The following AK5 variants were observed in gnomAD, a reference collection of about 807,000 sequenced individuals.
AK5 encodes adenylate kinase isoenzyme 5.
Under a neutral mutation model 69.5 loss-of-function variants are expected in AK5, and 27 were observed. That is an observed-to-expected ratio of 0.39 (90% CI 0.29 to 0.54). The LOEUF (loss-of-function observed/expected upper bound fraction) is 0.54. Ranked by LOEUF, AK5 falls within the 20% of genes least tolerant of loss-of-function variation. The probability of loss-of-function intolerance (pLI) is 0.71; values close to 1 mark genes in which losing one functional copy is unlikely to be tolerated. For missense variants in AK5, 531 were observed against 700.4 expected (o/e 0.76, Z 2.73); for synonymous variants, 260 against 244.4 (o/e 1.06, Z -0.60).
Position 77,559,462 on chromosome 1 carries a change from G to GTAACT in AK5, c.*796_*800dup, listed in dbSNP as rs562808968. On this transcript the variant is annotated 3_prime_UTR_variant, in exon 14 of 14. Coordinates refer to ENST00000354567, the MANE Select transcript of AK5 (RefSeq NM_174858.3). Reference sequence around the variant, plus strand: ...TATAAATTAATATAAATGACCAAAAGTAACTTAAAAGCATGAGATATTTGC... The same window carrying GTAACT: ...TATAAATTAATATAAATGACCAAAAGTAACTTAACTTAAAAGCATGAGATATTTGC... 3.0e-4 allele frequency: 46 copies of GTAACT among 152,188 alleles called. No homozygotes were observed. The highest frequency in any genetic ancestry group is 3.4e-3 in the Middle Eastern group (1 of 294). The allele number at this position is 152,188 out of a possible 1,614,324, so 9.4% of individuals were successfully genotyped here.
intron 6 of AK5, among the ~76,000 whole-genome samples, chr1:77,347,096 C>T (rs1311815909): frequency 3.3e-5 from 5 of 151,958 alleles, no homozygotes; most frequent in Non-Finnish European, 7.4e-5. Flanking sequence ...AGAAAATAGT[C>T]GAGGAAGAGT....
chr1:77,429,683 T>A (rs868603042), intron 8 of AK5, among the ~76,000 whole-genome samples: 1 of 152,236 alleles, frequency 6.6e-6, no homozygotes, highest in South Asian at 2.1e-4. Context: ...ATGGTCTAGA[T>A]CTCCTGACCT....
intron 6 of AK5, among the ~76,000 whole-genome samples, chr1:77,401,449 G>T (rs912868482): frequency 2.6e-5 from 4 of 152,120 alleles, no homozygotes; most frequent in African/African-American, 9.7e-5. Context: ...AAGCTCATTT[G>T]GTTCTTAGAG....
intron 8 of AK5, among the ~76,000 whole-genome samples, chr1:77,482,757 C>T (rs4431892): frequency 0.15 from 20,761 of 134,338 alleles, 1,935 homozygotes; most frequent in East Asian, 0.21. Flanking sequence ...GGCAACAGGG[C>T]GAGACTATGT....
intron 8 of AK5, among the ~76,000 whole-genome samples, chr1:77,457,944 A>G (rs778777271): frequency 3.3e-5 from 5 of 152,074 alleles, no homozygotes; most frequent in Non-Finnish European, 7.4e-5. Context: ...TAAAGTCAAG[A>G]TGTCAACAGA....
chr1:77,475,471 ATG>A (rs1553154921), intron 8 of AK5, among the ~76,000 whole-genome samples: 1 of 25,134 alleles, frequency 4.0e-5, no homozygotes, highest in East Asian at 9.2e-4. Flanking sequence ...TATATTATAT[ATG>A]TATATATATT....
intron 7 of AK5, among the ~76,000 whole-genome samples, chr1:77,417,042 A>G (rs934646989): frequency 1.3e-5 from 2 of 152,156 alleles, no homozygotes; most frequent in African/African-American, 4.8e-5. Context: ...CCTAAGGGAA[A>G]TAATCTCTCT....
chr1:77,506,653 A>G (rs1258104332), intron 10 of AK5, among the ~76,000 whole-genome samples: 1 of 152,190 alleles, frequency 6.6e-6, no homozygotes, highest in Admixed American at 6.5e-5. Flanking sequence ...TTGTAAAATC[A>G]TAGAGTGTTA....
At chr1:77,550,891 T>C (rs1243106163) in intron 13 of AK5, among the ~76,000 whole-genome samples, 1 of 152,140 alleles carries the variant, frequency 6.6e-6, no homozygotes, top group Non-Finnish European at 1.5e-5. Context: ...AAAAATACAC[T>C]TCAGGCCAGG....
At chr1:77,552,348 C>T (rs953093830) in intron 13 of AK5, among the ~76,000 whole-genome samples, 7 of 152,324 alleles carry the variant, frequency 4.6e-5, no homozygotes, top group Non-Finnish European at 7.3e-5. Context: ...CTATACCCAT[C>T]GTAATGGTCC....
intron 10 of AK5, among the ~76,000 whole-genome samples, chr1:77,501,012 AG>A (rs1174550268): frequency 1.3e-5 from 2 of 152,192 alleles, no homozygotes; most frequent in East Asian, 3.9e-4. Context: ...GAAGGTTACC[AG>A]GGGTAAGAGG....
At chr1:77,358,014 TGTGTGAGA>T (rs1662627398) in intron 6 of AK5, among the ~76,000 whole-genome samples, 1 of 107,678 alleles carries the variant, frequency 9.3e-6, no homozygotes, top group African/African-American at 3.1e-5. Flanking sequence ...TGTGTGTGTG[TGTGTGAGA>T]GAGAGAGAGA....
At chr1:77,547,258 A>C (rs1659588766) in intron 13 of AK5, among the ~76,000 whole-genome samples, 1 of 150,450 alleles carries the variant, frequency 6.6e-6, no homozygotes, top group Non-Finnish European at 1.5e-5. Flanking sequence ...ACATGTAATC[A>C]ATATAAAGTT....
chr1:77,511,663 G>A (rs1261723547), intron 10 of AK5, among the ~76,000 whole-genome samples: 2 of 152,216 alleles, frequency 1.3e-5, no homozygotes, highest in Non-Finnish European at 2.9e-5. Flanking sequence ...GCATGACTCA[G>A]TTGGCTCAGT....
chr1:77,327,287 G>A (rs1240645452), intron 5 of AK5, among the ~76,000 whole-genome samples: 1 of 151,342 alleles, frequency 6.6e-6, no homozygotes, highest in Non-Finnish European at 1.5e-5. Flanking sequence ...AGCTATTCAA[G>A]AGCTGAGGTG....
intron 6 of AK5, among the ~76,000 whole-genome samples, chr1:77,382,112 C>T (rs1647678572): frequency 6.6e-6 from 1 of 152,008 alleles, no homozygotes; most frequent in Non-Finnish European, 1.5e-5. Flanking sequence ...ACATTCTTTT[C>T]ATTAAGAAAT....
At chr1:77,461,975 AC>A (rs1237104184) in intron 8 of AK5, among the ~76,000 whole-genome samples, 1 of 152,234 alleles carries the variant, frequency 6.6e-6, no homozygotes, top group African/African-American at 2.4e-5. Flanking sequence ...TGTGATGAAT[AC>A]ATACAATTTT....
intron 5 of AK5, among the ~76,000 whole-genome samples, chr1:77,298,258 G>A (rs1452790767): frequency 1.3e-5 from 2 of 151,754 alleles, no homozygotes; most frequent in Admixed American, 6.6e-5. Context: ...CTAAGAATAA[G>A]CCTTATTCAG....
chr1:77,499,855 C>T (rs972497129), intron 10 of AK5, among the ~76,000 whole-genome samples: 2 of 142,060 alleles, frequency 1.4e-5, no homozygotes, highest in Admixed American at 1.4e-4. Flanking sequence ...ATGACAGAGA[C>T]CATGCCCTTT....
Sources: gnomAD v4.1 joint callset for allele counts (sites outside exome capture counted in the v4.1 genomes callset) on GRCh38, gnomAD v4.1.1 for gene constraint, MANE v1.5 for transcripts, NCBI Gene and HGNC (gene_info 2026-07-23, HGNC 2026-07-21) for gene names.